PDE1C: variants seen among roughly 807,000 people sequenced by gnomAD.
PDE1C encodes the protein phosphodiesterase 1C.
A neutral mutation model predicts 93.1 loss-of-function variants in PDE1C; 62 were observed. The ratio of observed to expected loss-of-function variants is 0.67; its 90% CI spans 0.54 to 0.82. The LOEUF (loss-of-function observed/expected upper bound fraction) is 0.82, where lower values mean the gene tolerates loss of function less well. Among genes scored for constraint, PDE1C ranks in the 40% least tolerant of loss-of-function variants. The pLI is 0.00. For synonymous variants in PDE1C, 325 were observed against 310.1 expected (o/e 1.05, Z -0.50); for missense variants, 742 against 884.6 (o/e 0.84, Z 2.04).
intron 2 of PDE1C, among the ~76,000 whole-genome samples, chr7:32,172,941 C>T (rs180725094): frequency 9.3e-5 from 14 of 151,282 alleles, no homozygotes; most frequent in South Asian, 8.4e-4. Flanking sequence ...TTGTGGAAGA[C>T]GATGTGGCGA....
At chr7:31,985,854 T>C (rs1783333793) in intron 2 of PDE1C, among the ~76,000 whole-genome samples, 1 of 152,220 alleles carries the variant, frequency 6.6e-6, no homozygotes, top group Non-Finnish European at 1.5e-5. Flanking sequence ...AAGTCTTTGC[T>C]ATTGTGAATA....
chr7:31,645,302 A>G, the PDE1C span, among the ~76,000 whole-genome samples: 2 of 152,344 alleles, frequency 1.3e-5, no homozygotes, highest in East Asian at 1.9e-4. Context: ...ATCACATTAC[A>G]TAAATGTGAT....
chr7:32,192,279 C>G (rs1361254646), intron 2 of PDE1C, among the ~76,000 whole-genome samples: 1 of 151,950 alleles, frequency 6.6e-6, no homozygotes, highest in Non-Finnish European at 1.5e-5. Flanking sequence ...TCCATTTTTC[C>G]TAGTCCTAAG....
At chr7:32,194,424 C>T (rs905517230) in intron 2 of PDE1C, among the ~76,000 whole-genome samples, 4 of 152,152 alleles carry the variant, frequency 2.6e-5, no homozygotes, top group African/African-American at 9.7e-5. Context: ...GTAGATTTTT[C>T]TATTTCTCAT....
intron 1 of PDE1C, among the ~76,000 whole-genome samples, chr7:32,405,984 T>C (rs917323910): frequency 2.6e-5 from 4 of 152,222 alleles, no homozygotes; most frequent in Non-Finnish European, 2.9e-5. Context: ...TAGCTCAGCA[T>C]ACTTTTCAAA....
intron 16 of PDE1C, among the ~76,000 whole-genome samples, chr7:31,792,939 T>G (rs540937208): frequency 6.6e-6 from 1 of 152,202 alleles, no homozygotes; most frequent in South Asian, 2.1e-4. Context: ...GGAAACTATT[T>G]AAGTGCCTGC....
chr7:31,921,057 T>G (rs1330034108), intron 2 of PDE1C, among the ~76,000 whole-genome samples: 1 of 152,242 alleles, frequency 6.6e-6, no homozygotes, highest in Non-Finnish European at 1.5e-5. Flanking sequence ...CTCAGGCTAC[T>G]GAAAAATCAA....
At chr7:31,617,783 A>G in the PDE1C span, among the ~76,000 whole-genome samples, 1 of 152,136 alleles carries the variant, frequency 6.6e-6, no homozygotes, top group Non-Finnish European at 1.5e-5. Flanking sequence ...TGAAGATAAT[A>G]AAGATAAAAT....
chr7:32,274,778 A>G (rs1230888012), intron 1 of PDE1C, among the ~76,000 whole-genome samples: 2 of 152,262 alleles, frequency 1.3e-5, no homozygotes, highest in Non-Finnish European at 2.9e-5. Flanking sequence ...AACTGAAATC[A>G]TAGGAGAAGC....
chr7:31,816,133 G>T lies in PDE1C; in HGVS notation c.1604C>A (p.Ala535Glu), dbSNP rs778410687. ...VPKEEKAKKE[A>E]EEKARLAAEE... ...TGCGGCCAGGCGAGCCTTTTCCTCTGCTTCCTTCTTGGCCTTCTCCTCTGC... is the reference window on the plus strand; with the variant it reads ...TGCGGCCAGGCGAGCCTTTTCCTCTTCTTCCTTCTTGGCCTTCTCCTCTGC... Residue 535 changes from alanine (A) to glutamate (E), a missense_variant, in exon 15 of 18, where the codon GCA becomes GAA. By Grantham distance (107) the Ala-to-Glu change is moderately radical. Coordinates refer to ENST00000396191, the MANE Select transcript of PDE1C (RefSeq NM_001191057.4). 20 of 1,613,664 alleles carry T rather than the reference G, an allele frequency of 1.2e-5. No homozygotes were observed. The highest frequency in any genetic ancestry group is 1.7e-5 in the Non-Finnish European group (20 of 1,179,898).
At chr7:32,090,352 T>G (rs1463506818) in intron 3 of PDE1C, among the ~76,000 whole-genome samples, 4 of 152,224 alleles carry the variant, frequency 2.6e-5, no homozygotes, top group African/African-American at 9.6e-5. Flanking sequence ...ACATTTCTTA[T>G]GCTGCCTTCC....
intron 1 of PDE1C, among the ~76,000 whole-genome samples, chr7:32,298,211 C>T (rs140201247): frequency 2.0e-5 from 3 of 151,948 alleles, no homozygotes; most frequent in African/African-American, 4.8e-5. Flanking sequence ...TCAGTGTCCC[C>T]GTGTCTGGAT....
At chr7:31,632,786 T>C in the PDE1C span, among the ~76,000 whole-genome samples, 1 of 152,172 alleles carries the variant, frequency 6.6e-6, no homozygotes, top group Admixed American at 6.5e-5. Flanking sequence ...AGTAAGAGCC[T>C]ATTCAAAAGT....
intron 3 of PDE1C, among the ~76,000 whole-genome samples, chr7:32,082,973 C>G (rs565504127): frequency 0.019 from 2,835 of 150,928 alleles, 22 homozygotes; most frequent in South Asian, 0.036. Flanking sequence ...AACGCAGTTC[C>G]TCACCAGCAA....
chr7:31,749,661 G>T (rs904381883), downstream of PDE1C, among the ~76,000 whole-genome samples: 1 of 152,090 alleles, frequency 6.6e-6, no homozygotes, highest in African/African-American at 2.4e-5. Flanking sequence ...AGACAAATCG[G>T]TGCTTCGGGA....
At chr7:31,628,761 G>A in the PDE1C span, among the ~76,000 whole-genome samples, 2 of 152,192 alleles carry the variant, frequency 1.3e-5, no homozygotes, top group East Asian at 3.9e-4. Context: ...CGGCCTGAGC[G>A]TGATTCTTGA....
intron 3 of PDE1C, 67 bp from the exon 4 acceptor site, chr7:31,879,245 A>G (rs1583748098): frequency 2.0e-6 from 3 of 1,480,536 alleles, no homozygotes; most frequent in East Asian, 4.6e-5. Context: ...TGTTCAAAGC[A>G]GCTGCTCCTC....
intron 2 of PDE1C, among the ~76,000 whole-genome samples, chr7:32,176,918 T>C (rs1803035085): frequency 6.6e-6 from 1 of 152,178 alleles, no homozygotes; most frequent in African/African-American, 2.4e-5. Flanking sequence ...TGTGTTAGAT[T>C]TGAACTAGAA....
intron 16 of PDE1C, among the ~76,000 whole-genome samples, chr7:31,793,581 A>T (rs1033622521): frequency 6.6e-6 from 1 of 152,038 alleles, no homozygotes; most frequent in Non-Finnish European, 1.5e-5. Flanking sequence ...ATAAAACTCT[A>T]AATAGAAAAA....
Sources: allele counts gnomAD v4.1 joint callset (sites outside exome capture counted in the v4.1 genomes callset), GRCh38; gene constraint gnomAD v4.1.1; transcripts MANE v1.5; gene names NCBI Gene and HGNC (gene_info 2026-07-23, HGNC 2026-07-21).